EXOC4: variants seen among roughly 807,000 people sequenced by gnomAD.
EXOC4 encodes the protein exocyst complex component 4.
EXOC4 carries 71 observed loss-of-function variants against 107.2 expected under a neutral mutation model. The observed-to-expected ratio is 0.66, with a 90% confidence interval of 0.55 to 0.81. The LOEUF (loss-of-function observed/expected upper bound fraction) is 0.81. Among genes scored for constraint, EXOC4 ranks in the 30% least tolerant of loss-of-function variants. The pLI is 0.00. For missense variants in EXOC4, 1,108 were observed against 1,189.6 expected (o/e 0.93, Z 1.01); for synonymous variants, 456 against 441.2 (o/e 1.03, Z -0.42).
intron 10 of EXOC4, among the ~76,000 whole-genome samples, chr7:133,801,938 G>A (rs1159911236): frequency 6.6e-6 from 1 of 152,174 alleles, no homozygotes; most frequent in Non-Finnish European, 1.5e-5. Context: ...TTTTAAAACT[G>A]TTCAGGATAT....
At chr7:133,688,618 A>G (rs1794357198) in intron 10 of EXOC4, among the ~76,000 whole-genome samples, 2 of 152,210 alleles carry the variant, frequency 1.3e-5, no homozygotes, top group Admixed American at 6.5e-5. Context: ...ATTATCTTTC[A>G]GTATTGGCAA....
intron 10 of EXOC4, among the ~76,000 whole-genome samples, chr7:133,704,794 A>G (rs113100866): frequency 8.5e-4 from 129 of 152,296 alleles, no homozygotes; most frequent in African/African-American, 3.0e-3. Flanking sequence ...TTGAACTGTG[A>G]CTTGTCATGT....
Position 133,623,045 on chromosome 7 carries a change from A to G in EXOC4, c.1418-7000A>G, listed in dbSNP as rs150138302. 1.3e-3 allele frequency among the ~76,000 whole-genome samples: 200 copies of G among 152,210 alleles called. 1 individual carries two copies. Among genetic ancestry groups the G allele is most frequent in the African/African-American group, 4.4e-3 (183 of 41,530 alleles). ...ATAATATTATAGGAATATTATTAGGATGAAGTGAGTATTTTTATGTAAAGG... is the reference window on the plus strand; with the variant it reads ...ATAATATTATAGGAATATTATTAGGGTGAAGTGAGTATTTTTATGTAAAGG... On this transcript the variant is annotated intron_variant, in intron 9 of 17. Transcript: ENST00000253861.
intron 1 of EXOC4, among the ~76,000 whole-genome samples, chr7:133,270,181 T>G (rs1226194748): frequency 1.3e-5 from 2 of 152,172 alleles, no homozygotes; most frequent in Non-Finnish European, 2.9e-5. Context: ...GATGTGCCTT[T>G]CACCTTCTGC....
intron 10 of EXOC4, among the ~76,000 whole-genome samples, chr7:133,748,587 A>G (rs1026091134): frequency 1.3e-5 from 2 of 152,208 alleles, no homozygotes; most frequent in African/African-American, 4.8e-5. Context: ...GTGAGGTAGT[A>G]AGGTTACTCA....
chr7:133,571,553 C>T lies in EXOC4; in HGVS notation c.1418-58492C>T, dbSNP rs111742834. Among the ~76,000 whole-genome samples the T allele has an allele frequency of 2.9e-3, 448 of 151,908 alleles. 2 individuals carry two copies. The highest frequency in any genetic ancestry group is 0.01 in the African/African-American group (427 of 41,438). ...GGCATGGTGTCATGCGCCTGTAGTC[C>T]TAGGTACTTGGGAGGCTGAGGCCAG... On this transcript the variant is annotated intron_variant, in intron 9 of 17. Transcript: ENST00000253861.
chr7:133,929,194 G>T (rs886812358), intron 13 of EXOC4, among the ~76,000 whole-genome samples: 5 of 151,932 alleles, frequency 3.3e-5, no homozygotes, highest in African/African-American at 1.2e-4. Context: ...GCCTCCCAAC[G>T]TGCTGGTATT....
At chr7:133,287,477 AT>A (rs1794308107) in intron 2 of EXOC4, among the ~76,000 whole-genome samples, 1 of 151,734 alleles carries the variant, frequency 6.6e-6, no homozygotes, top group South Asian at 2.1e-4. Flanking sequence ...TGCCCAGCTA[AT>A]TTTCTGTGTT....
intron 10 of EXOC4, among the ~76,000 whole-genome samples, chr7:133,652,537 A>G (rs1296073457): frequency 1.3e-5 from 2 of 152,096 alleles, no homozygotes; most frequent in African/African-American, 4.8e-5. Flanking sequence ...CCCAGTGGCA[A>G]AGGGAAGCCA....
At chr7:133,376,741 T>C (rs1216050143) in intron 7 of EXOC4, among the ~76,000 whole-genome samples, 1 of 152,206 alleles carries the variant, frequency 6.6e-6, no homozygotes, top group East Asian at 1.9e-4. Flanking sequence ...GGGGAAAGCT[T>C]GCTGAACATA....
At chr7:133,532,154 A>G (rs904705792) in intron 9 of EXOC4, among the ~76,000 whole-genome samples, 4 of 152,102 alleles carry the variant, frequency 2.6e-5, no homozygotes, top group South Asian at 4.1e-4. Flanking sequence ...GAATTTTTAG[A>G]TAAGGAATGC....
intron 7 of EXOC4, among the ~76,000 whole-genome samples, chr7:133,397,873 A>G (rs569724864): frequency 7.9e-5 from 12 of 152,338 alleles, no homozygotes; most frequent in South Asian, 4.1e-4. Context: ...CCCCACATTT[A>G]TAATGCCATT....
the EXOC4 span, among the ~76,000 whole-genome samples, chr7:134,092,741 G>T: frequency 1.1e-4 from 17 of 152,058 alleles, no homozygotes; most frequent in African/African-American, 4.1e-4. Flanking sequence ...TGGCCAACAT[G>T]GTGAAACCCC....
At chr7:133,552,044 T>C (rs2150942562) in intron 9 of EXOC4, among the ~76,000 whole-genome samples, 1 of 152,322 alleles carries the variant, frequency 6.6e-6, no homozygotes, top group Admixed American at 6.5e-5. Flanking sequence ...AATATAAATA[T>C]GTTTTCATGG....
intron 4 of EXOC4, among the ~76,000 whole-genome samples, chr7:133,311,790 C>T (rs1197992534): frequency 2.6e-5 from 4 of 152,056 alleles, no homozygotes; most frequent in Admixed American, 1.3e-4. Context: ...CTCAGTAAAG[C>T]GGGATATAGA....
At chr7:133,297,919 C>T (rs1195224399) in intron 3 of EXOC4, among the ~76,000 whole-genome samples, 1 of 152,178 alleles carries the variant, frequency 6.6e-6, no homozygotes, top group Non-Finnish European at 1.5e-5. Context: ...TGCCATCCTC[C>T]ATCATATTTC....
At chr7:133,312,961 C>T (rs1794908376) in intron 4 of EXOC4, among the ~76,000 whole-genome samples, 1 of 151,982 alleles carries the variant, frequency 6.6e-6, no homozygotes, top group Admixed American at 6.6e-5. Flanking sequence ...TTTAACCTTG[C>T]TTCCTCAGCC....
chr7:133,684,544 A>G (rs999343981), intron 10 of EXOC4, among the ~76,000 whole-genome samples: 2 of 152,178 alleles, frequency 1.3e-5, no homozygotes, highest in Non-Finnish European at 2.9e-5. Context: ...TGAAGAAAAT[A>G]TGTTAGAAAG....
At chr7:133,337,732 T>C (rs887970009) in intron 5 of EXOC4, among the ~76,000 whole-genome samples, 6 of 150,308 alleles carry the variant, frequency 4.0e-5, no homozygotes, top group South Asian at 2.1e-4. Flanking sequence ...CTTCCAGGCT[T>C]AGTTGATCCT....
Sources: gnomAD v4.1 joint callset for allele counts (sites outside exome capture counted in the v4.1 genomes callset) on GRCh38, gnomAD v4.1.1 for gene constraint, MANE v1.5 for transcripts, NCBI Gene and HGNC (gene_info 2026-07-23, HGNC 2026-07-21) for gene names.